Variants in RGS8 observed in about 807,000 individuals in gnomAD.
RGS8 encodes the protein regulator of G protein signaling 8, also known as regulator of G-protein signaling 8.
Under a neutral mutation model 21.7 loss-of-function variants are expected in RGS8, and 8 were observed. The ratio of observed to expected loss-of-function variants is 0.37; its 90% CI spans 0.22 to 0.66. RGS8 has a LOEUF of 0.66. Ranked by LOEUF, RGS8 falls within the 30% of genes least tolerant of loss-of-function variation. RGS8 has a pLI of 0.59. For synonymous variants in RGS8, 80 were observed against 83.6 expected (o/e 0.96, Z 0.24); for missense variants, 157 against 217.9 (o/e 0.72, Z 1.76).
intron 2 of RGS8, 128 bp from the exon 4 acceptor site, chr1:182,669,880 C>T: frequency 9.2e-7 from 1 of 1,081,296 alleles, no homozygotes; most frequent in Non-Finnish European, 1.3e-6. Flanking sequence ...CACAAATGTC[C>T]ACTTGTCCTT....
chr1:182,721,008 CATAT>C, the RGS8 span, among the ~76,000 whole-genome samples: 7 of 90,296 alleles, frequency 7.8e-5, no homozygotes, highest in African/African-American at 3.1e-4. Flanking sequence ...TGTATATATA[CATAT>C]ATACACATAT....
chr1:182,740,146 T>G, the RGS8 span, among the ~76,000 whole-genome samples: 1 of 152,246 alleles, frequency 6.6e-6, no homozygotes, highest in Non-Finnish European at 1.5e-5. Context: ...TTTCCATCTG[T>G]GCACATGTTG....
At chr1:182,749,577 T>C in the RGS8 span, among the ~76,000 whole-genome samples, 2 of 152,198 alleles carry the variant, frequency 1.3e-5, no homozygotes, top group African/African-American at 4.8e-5. Flanking sequence ...CTATTTGAGG[T>C]CTTTTGTGAT....
chr1:182,676,782 A>C (rs917716177), upstream of RGS8, among the ~76,000 whole-genome samples: 2 of 152,242 alleles, frequency 1.3e-5, no homozygotes, highest in Admixed American at 6.5e-5. Flanking sequence ...GGCCTTTGGT[A>C]CTAACTCTGC....
upstream of RGS8, chr1:182,672,907 C>G: frequency 6.5e-7 from 1 of 1,550,270 alleles, no homozygotes; most frequent in Non-Finnish European, 8.9e-7. Context: ...CAAGCGTGGT[C>G]CCTGAACCAG....
chr1:182,643,322 A>AT (rs1557876791), downstream of RGS8: 1 of 22,362 alleles, frequency 4.5e-5, no homozygotes, highest in Non-Finnish European at 9.0e-5. Context: ...CCCCTCCCCC[A>AT]GCCCCCCCGC....
At chr1:182,739,227 T>C in the RGS8 span, among the ~76,000 whole-genome samples, 10 of 152,348 alleles carry the variant, frequency 6.6e-5, no homozygotes, top group African/African-American at 2.2e-4. Context: ...GCTCTTTCTC[T>C]AGTGTCAGTA....
At chr1:182,643,318 C>T (rs1662551293), downstream of RGS8, 1 of 89,710 alleles carries the variant, frequency 1.1e-5, no homozygotes, top group South Asian at 4.5e-4. Flanking sequence ...CTCCCCCCTC[C>T]CCCAGCCCCC....
chr1:182,751,762 G>C, the RGS8 span, among the ~76,000 whole-genome samples: 5 of 152,172 alleles, frequency 3.3e-5, no homozygotes, highest in South Asian at 4.2e-4. Flanking sequence ...ATTGAATTAG[G>C]AATTCTGATA....
At chr1:182,673,817 G>T (rs150160432), upstream of RGS8, among the ~76,000 whole-genome samples, 120 of 152,222 alleles carry the variant, frequency 7.9e-4, no homozygotes, top group Non-Finnish European at 1.4e-3. Context: ...ATAAACTGGT[G>T]AATAAAAGCC....
At chr1:182,700,087 C>T in the RGS8 span, among the ~76,000 whole-genome samples, 1 of 152,172 alleles carries the variant, frequency 6.6e-6, no homozygotes, top group Admixed American at 6.5e-5. Flanking sequence ...GTCTTGAGTG[C>T]ATAACAATGC....
upstream of RGS8, among the ~76,000 whole-genome samples, chr1:182,688,321 A>G (rs1424542935): frequency 6.6e-6 from 1 of 152,096 alleles, no homozygotes; most frequent in African/African-American, 2.4e-5. Flanking sequence ...CCTGTTACTT[A>G]GTAGATAGTA....
chr1:182,703,966 A>T, the RGS8 span, among the ~76,000 whole-genome samples: 1 of 152,252 alleles, frequency 6.6e-6, no homozygotes, highest in Non-Finnish European at 1.5e-5. Context: ...TATAAAGTTG[A>T]AATGAAATAG....
chr1:182,710,522 C>T, the RGS8 span, among the ~76,000 whole-genome samples: 1 of 152,156 alleles, frequency 6.6e-6, no homozygotes. Flanking sequence ...GGTCAGGTGT[C>T]CTGTGTGTTC....
chr1:182,678,154 T>G (rs545253264), intron 1 of RGS8, among the ~76,000 whole-genome samples: 26 of 152,332 alleles, frequency 1.7e-4, no homozygotes, highest in African/African-American at 6.3e-4. Context: ...AGGTATACTC[T>G]GAAATATTTA....
chr1:182,656,087 T>C (rs751275744), intron 5 of RGS8, among the ~76,000 whole-genome samples: 1 of 152,226 alleles, frequency 6.6e-6, no homozygotes, highest in Non-Finnish European at 1.5e-5. Context: ...TAATAGTTCA[T>C]TATAAGCAGT....
intron 1 of RGS8, among the ~76,000 whole-genome samples, chr1:182,678,711 A>G (rs1021077771): frequency 6.6e-6 from 1 of 152,178 alleles, no homozygotes; most frequent in Non-Finnish European, 1.5e-5. Flanking sequence ...TCACCTCCAC[A>G]GCCCTTCTCT....
chr1:182,702,247 C>T, the RGS8 span, among the ~76,000 whole-genome samples: 4 of 152,288 alleles, frequency 2.6e-5, no homozygotes, highest in East Asian at 1.9e-4. Flanking sequence ...AACAAAATCA[C>T]GTCCTTTGCA....
chr1:182,685,936 T>C (rs1664691551), upstream of RGS8, among the ~76,000 whole-genome samples: 1 of 152,090 alleles, frequency 6.6e-6, no homozygotes, highest in Non-Finnish European at 1.5e-5. Flanking sequence ...CTCCAATGCA[T>C]GGAGAAGTGA....
Sources: allele counts gnomAD v4.1 joint callset (sites outside exome capture counted in the v4.1 genomes callset), GRCh38; gene constraint gnomAD v4.1.1; transcripts MANE v1.5; gene names NCBI Gene and HGNC (gene_info 2026-07-23, HGNC 2026-07-21).